The following SLCO1B3 variants were observed in gnomAD, a reference collection of about 807,000 sequenced individuals.
The protein encoded by SLCO1B3 is liver-specific organic anion transporter 2.
A neutral mutation model predicts 71.8 loss-of-function variants in SLCO1B3; 72 were observed. That is an observed-to-expected ratio of 1.00 (90% CI 0.83 to 1.22). The LOEUF (loss-of-function observed/expected upper bound fraction) is 1.22, where lower values mean the gene tolerates loss of function less well. Among genes scored for constraint, SLCO1B3 ranks in the 50% most tolerant of loss-of-function variants. The probability of loss-of-function intolerance (pLI) is 0.00; values close to 1 mark genes in which losing one functional copy is unlikely to be tolerated. For missense variants in SLCO1B3, 911 were observed against 819.7 expected (o/e 1.11, Z -1.36); for synonymous variants, 298 against 278.4 (o/e 1.07, Z -0.70).
intron 15 of SLCO1B3, chr12:20,901,856 G>A (rs960426231): frequency 2.8e-5 from 12 of 427,102 alleles, no homozygotes; most frequent in Non-Finnish European, 5.1e-5. Flanking sequence ...GGTAATTGAG[G>A]AAAGAAATGG....
intron 10 of SLCO1B3, among the ~76,000 whole-genome samples, chr12:20,878,323 C>T (rs977347888): frequency 6.6e-6 from 1 of 151,944 alleles, no homozygotes; most frequent in African/African-American, 2.4e-5. Flanking sequence ...GAAATAAGGC[C>T]TCAGCTACTT....
In SLCO1B3 at chr12:20,823,324, G is replaced by A. The variant is rs190116433; in HGVS notation, c.84+7502G>A. 7.7e-4 allele frequency among the ~76,000 whole-genome samples: 117 copies of A among 152,080 alleles called. 1 individual carries two copies. Among genetic ancestry groups the A allele is most frequent in the African/African-American group, 2.7e-3 (110 of 41,500 alleles). ...CAATAGGGGGAAAAGGAAAATGAAAGGAAAGGAGAAAAGAAAGAAAAAATT... is the reference window on the plus strand; with the variant it reads ...CAATAGGGGGAAAAGGAAAATGAAAAGAAAGGAGAAAAGAAAGAAAAAATT... On this transcript the variant is annotated intron_variant, in intron 3 of 15. Transcript: ENST00000381545.
chr12:20,840,521 C>T lies in SLCO1B3; in HGVS notation c.85-14507C>T, dbSNP rs1204242437. Among the ~76,000 whole-genome samples, 7 of 151,822 alleles carry T rather than the reference C, an allele frequency of 4.6e-5. No individual in the cohort carries two copies. In the East Asian group the frequency reaches 1.4e-3, roughly 29 times the overall value. ...ATTCTCTGCCTCAGCCTCCCAGTAG[C>T]TGAGATTACAGGCACTCAACACCAC... On this transcript the variant is annotated intron_variant, in intron 3 of 15. Coordinates refer to ENST00000381545, the MANE Select transcript of SLCO1B3 (RefSeq NM_019844.4).
chr12:20,907,470 T>G (rs1274122228), intron 15 of SLCO1B3, among the ~76,000 whole-genome samples: 1 of 97,296 alleles, frequency 1.0e-5, no homozygotes, highest in Non-Finnish European at 1.9e-5. Context: ...TCCCTTCCCC[T>G]TCCCCTTCCC....
chr12:20,913,648 AT>A (rs763404199), intron 15 of SLCO1B3, among the ~76,000 whole-genome samples: 1 of 152,216 alleles, frequency 6.6e-6, no homozygotes, highest in Non-Finnish European at 1.5e-5. Flanking sequence ...TTATCAGTGT[AT>A]ATCTTCCTCA....
intron 3 of SLCO1B3, among the ~76,000 whole-genome samples, chr12:20,820,233 A>G (rs1864269071): frequency 6.6e-6 from 1 of 152,064 alleles, no homozygotes; most frequent in African/African-American, 2.4e-5. Context: ...GGCGTCCGTG[A>G]TGGTCTATGG....
intron 15 of SLCO1B3, chr12:20,902,035 C>G (rs1207683510): frequency 3.1e-5 from 10 of 317,968 alleles, no homozygotes; most frequent in Non-Finnish European, 4.8e-5. Flanking sequence ...AATTTGATTT[C>G]TGAAACTATA....
At chr12:20,895,971 G>T (rs1405964091) in intron 13 of SLCO1B3, among the ~76,000 whole-genome samples, 1 of 152,172 alleles carries the variant, frequency 6.6e-6, no homozygotes, top group Non-Finnish European at 1.5e-5. Context: ...GCCAAGGCTT[G>T]GGGCTTGCAC....
rs768642442 is a variant in SLCO1B3 at position 20,861,129 on chromosome 12, G to A, written c.472G>A (p.Val158Ile). Residue 158 changes from valine to isoleucine, a missense_variant, in exon 6 of 16, where the codon GTA becomes ATA. By Grantham distance (29) the Val-to-Ile change is conservative. Transcript: ENST00000381545. ...LSFNGTSPEIVEKDCVKESGS... is the reference protein window; with the variant it reads ...LSFNGTSPEIIEKDCVKESGS... ...ATTCAATGGAACATCACCTGAGATAGTAGAAAAAGGTAAGAATTAATAGTG... is the reference window on the plus strand; with the variant it reads ...ATTCAATGGAACATCACCTGAGATAATAGAAAAAGGTAAGAATTAATAGTG... 8 of 1,579,540 alleles carry A rather than the reference G, an allele frequency of 5.1e-6. No individual in the cohort carries two copies. In the African/African-American group the frequency reaches 9.6e-5, roughly 19 times the overall value.
At position 20,880,845 on chromosome 12, in the gene SLCO1B3, A is replaced by G. The variant is rs1865677057; in HGVS notation, c.1332-10A>G. On this transcript the variant is annotated splice_polypyrimidine_tract_variant and intron_variant, in intron 11 of 15. Transcript: ENST00000381545. ...TCTTTTTTTGATATATTTCTATCATATATTTTCAGAAATAATTCAGTGGCA... is the reference window on the plus strand; with the variant it reads ...TCTTTTTTTGATATATTTCTATCATGTATTTTCAGAAATAATTCAGTGGCA... 2 of 1,555,820 alleles carry G rather than the reference A, an allele frequency of 1.3e-6. No homozygotes were observed. The highest frequency in any genetic ancestry group is 1.8e-6 in the Non-Finnish European group (2 of 1,137,376).
chr12:20,877,840 T>C lies in SLCO1B3; in HGVS notation c.1039T>C (p.Leu347=), dbSNP rs1349029895. ...LYVIFLLLTL[L]QVSSFIGSFT... ...TGTTATATTTCTGCTTTTGACATTG[T>C]TACAAGTAAGCAGCTTTATTGGTTC... Residue 347 remains leucine, a synonymous_variant, in exon 10 of 16, where the codon TTA becomes CTA. Transcript: ENST00000381545. The C allele has an allele frequency of 1.9e-6, 3 of 1,583,414 alleles. No individual in the cohort carries two copies. The highest frequency in any genetic ancestry group is 2.7e-5 in the African/African-American group (2 of 73,124).
intron 3 of SLCO1B3, among the ~76,000 whole-genome samples, chr12:20,841,082 T>C (rs1864790004): frequency 6.6e-6 from 1 of 152,152 alleles, no homozygotes; most frequent in African/African-American, 2.4e-5. Context: ...ATAGTACATT[T>C]TTTTTTCTTT....
At chr12:20,888,219 G>A (rs543737376) in intron 13 of SLCO1B3, among the ~76,000 whole-genome samples, 19 of 151,814 alleles carry the variant, frequency 1.3e-4, no homozygotes, top group South Asian at 2.1e-4. Flanking sequence ...TTTTGGTTCC[G>A]TATGAATTTT....
chr12:20,915,370 T>C (rs1270961481), intron 15 of SLCO1B3, among the ~76,000 whole-genome samples: 1 of 152,224 alleles, frequency 6.6e-6, no homozygotes, highest in African/African-American at 2.4e-5. Flanking sequence ...TAACCTTTCT[T>C]ACATTCTGTC....
intron 3 of SLCO1B3, among the ~76,000 whole-genome samples, chr12:20,828,646 TACACAC>T (rs142800781): frequency 6.7e-6 from 1 of 149,592 alleles, no homozygotes; most frequent in Non-Finnish European, 1.5e-5. Context: ...CACACACACA[TACACAC>T]ACACACACAC....
Position 20,833,778 on chromosome 12 carries a change from C to G in SLCO1B3, c.84+17956C>G, listed in dbSNP as rs555654470. On this transcript the variant is annotated intron_variant, in intron 3 of 15. Coordinates refer to ENST00000381545, the MANE Select transcript of SLCO1B3 (RefSeq NM_019844.4). ...GTATTACATATATGTAGTTTATCAT[C>G]TATCTCTCTATTTCATAAAGTGTGT... Among the ~76,000 whole-genome samples the G allele has an allele frequency of 3.4e-5, 5 of 145,616 alleles. No individual in the cohort carries two copies. The East Asian group carries it at 1.0e-3, about 30-fold the overall frequency.
At chr12:20,906,229 A>G (rs1254335561) in intron 15 of SLCO1B3, among the ~76,000 whole-genome samples, 1 of 152,200 alleles carries the variant, frequency 6.6e-6, no homozygotes, top group Non-Finnish European at 1.5e-5. Flanking sequence ...CATATAGCTA[A>G]ATAAAAGAAG....
At chr12:20,839,672 A>G (rs1000045148) in intron 3 of SLCO1B3, among the ~76,000 whole-genome samples, 2 of 152,012 alleles carry the variant, frequency 1.3e-5, no homozygotes, top group Non-Finnish European at 2.9e-5. Flanking sequence ...TTGTTTTTCT[A>G]TGAACTTCCA....
chr12:20,893,557 G>A (rs547359613), intron 13 of SLCO1B3, among the ~76,000 whole-genome samples: 1 of 152,258 alleles, frequency 6.6e-6, no homozygotes, highest in East Asian at 1.9e-4. Flanking sequence ...TTGATGTGGA[G>A]GTTGTGGAAG....
Sources: gnomAD v4.1 joint callset for allele counts (sites outside exome capture counted in the v4.1 genomes callset) on GRCh38, gnomAD v4.1.1 for gene constraint, MANE v1.5 for transcripts, NCBI Gene and HGNC (gene_info 2026-07-23, HGNC 2026-07-21) for gene names.